RPH3AL: variants seen among roughly 807,000 people sequenced by gnomAD.
The protein encoded by RPH3AL is rab effector Noc2.
Under a neutral mutation model 43.1 loss-of-function variants are expected in RPH3AL, and 38 were observed. The ratio of observed to expected loss-of-function variants is 0.88; its 90% CI spans 0.68 to 1.15. RPH3AL has a LOEUF of 1.15. RPH3AL is among the 50% of genes most tolerant of loss of function. The pLI is 0.00. For synonymous variants in RPH3AL, 189 were observed against 176.3 expected (o/e 1.07, Z -0.57); for missense variants, 462 against 423.2 (o/e 1.09, Z -0.81).
At chr17:235,919 C>T (rs918990495) in intron 7 of RPH3AL, among the ~76,000 whole-genome samples, 10 of 146,144 alleles carry the variant, frequency 6.8e-5, no homozygotes, top group African/African-American at 2.2e-4. Context: ...AAGCTGGGGT[C>T]GGCCGAGGCT....
In RPH3AL at chr17:342,163, C is replaced by T. The variant is rs1403153129; in HGVS notation, c.-212-8229G>A. On this transcript the variant is annotated intron_variant, in intron 1 of 9. Coordinates refer to ENST00000331302, the MANE Select transcript of RPH3AL (RefSeq NM_006987.4). ...TACAAATCAAAACCACCATGAGATA[C>T]CACTTCACATCCACTAGGATGGCTA... Among the ~76,000 whole-genome samples the T allele has an allele frequency of 2.0e-5, 3 of 152,104 alleles. No homozygotes were observed. In the East Asian group the frequency reaches 5.8e-4, roughly 29 times the overall value.
rs148458737 is a variant in RPH3AL, at chr17:279,332, C to T, written c.438+2436G>A. Reference sequence around the variant, plus strand: ...CCCAGCCCCATCCATTCCTGCTAACCGTGCACCATATGCCTGGTGCTGCAG... The same window carrying T: ...CCCAGCCCCATCCATTCCTGCTAACTGTGCACCATATGCCTGGTGCTGCAG... On this transcript the variant is annotated intron_variant, in intron 6 of 9. Transcript: ENST00000331302. Among the ~76,000 whole-genome samples the T allele has an allele frequency of 6.8e-3, 1,033 of 152,258 alleles. 4 individuals carry two copies. Among genetic ancestry groups the T allele is most frequent in the Non-Finnish European group, 0.012 (803 of 68,028 alleles).
intron 5 of RPH3AL, among the ~76,000 whole-genome samples, chr17:288,877 G>A (rs1469600931): frequency 1.2e-5 from 1 of 82,882 alleles, no homozygotes; most frequent in African/African-American, 4.4e-5. Flanking sequence ...TCTCTCCACC[G>A]TCAGACCTCA....
At chr17:239,968 T>C (rs2041488478) in intron 7 of RPH3AL, among the ~76,000 whole-genome samples, 1 of 152,204 alleles carries the variant, frequency 6.6e-6, no homozygotes, top group Non-Finnish European at 1.5e-5. Flanking sequence ...CCAGGTGCAG[T>C]GGCTCACGCC....
chr17:351,890 A>G (rs967676170), intron 1 of RPH3AL, among the ~76,000 whole-genome samples: 4 of 152,230 alleles, frequency 2.6e-5, no homozygotes, highest in African/African-American at 9.6e-5. Flanking sequence ...CTGACGAGGT[A>G]AACCTATATA....
intron 6 of RPH3AL, among the ~76,000 whole-genome samples, chr17:248,666 CCAG>C (rs1230195763): frequency 6.6e-6 from 1 of 152,166 alleles, no homozygotes; most frequent in Non-Finnish European, 1.5e-5. Flanking sequence ...TCTAATATCC[CCAG>C]CTTGGACACC....
At chr17:292,761 G>A (rs901465212) in intron 5 of RPH3AL, among the ~76,000 whole-genome samples, 4 of 152,170 alleles carry the variant, frequency 2.6e-5, no homozygotes, top group African/African-American at 4.8e-5. Flanking sequence ...CAAGCTTCAA[G>A]TGGGAGGGGC....
intron 5 of RPH3AL, among the ~76,000 whole-genome samples, chr17:308,794 C>G (rs1262535360): frequency 2.0e-5 from 3 of 152,096 alleles, no homozygotes; most frequent in Non-Finnish European, 4.4e-5. Flanking sequence ...TAGCAGAGAC[C>G]CCATCAGCAC....
At position 309,595 on chromosome 17, in the gene RPH3AL, G is replaced by GCCCC. The variant is rs1228315501; in HGVS notation, c.351+9824_351+9825insGGGG. Reference sequence around the variant, plus strand: ...CCTGCCCTGCCCCAGGCTCCTGCCAGCCTCCTGCTGGGGGTCCAGGATATG... The same window carrying GCCCC: ...CCTGCCCTGCCCCAGGCTCCTGCCAGCCCCCCTCCTGCTGGGGGTCCAGGATATG... On this transcript the variant is annotated intron_variant, in intron 5 of 9. Transcript: ENST00000331302. Among the ~76,000 whole-genome samples, 21 of 28,084 alleles carry GCCCC rather than the reference G, an allele frequency of 7.5e-4. 5 individuals are homozygous for GCCCC. The highest frequency in any genetic ancestry group is 1.7e-3 in the Non-Finnish European group (17 of 10,166). 18.4% of individuals were successfully genotyped at this position (28,084 alleles called of 152,430 possible).
At chr17:292,339 C>T (rs940519561) in intron 5 of RPH3AL, among the ~76,000 whole-genome samples, 1 of 152,170 alleles carries the variant, frequency 6.6e-6, no homozygotes, top group South Asian at 2.1e-4. Flanking sequence ...GGCCCTGCTG[C>T]CAAATGACTT....
intron 7 of RPH3AL, among the ~76,000 whole-genome samples, chr17:236,618 A>G (rs1011954199): frequency 3.3e-5 from 5 of 152,186 alleles, no homozygotes; most frequent in Non-Finnish European, 7.3e-5. Context: ...GGGAGCACAG[A>G]GCTGGCACAA....
chr17:297,964 C>T lies in RPH3AL; in HGVS notation c.352-16110G>A, dbSNP rs375355680. ...CGAACATGCAAACTTCCCTCCCTGG[C>T]CCCCACCTCTCTCTAGTCCTGTCCC... On this transcript the variant is annotated intron_variant, in intron 5 of 9. Coordinates refer to ENST00000331302, the MANE Select transcript of RPH3AL (RefSeq NM_006987.4). Among the ~76,000 whole-genome samples the T allele has an allele frequency of 2.0e-4, 31 of 152,258 alleles. No individual in the cohort carries two copies. The East Asian group carries it at 2.5e-3, about 12-fold the overall frequency.
chr17:321,567 AGGTGGCAACAGAGAT>A, intron 3 of RPH3AL, 152 bp from the exon 4 acceptor site: 1 of 658,964 alleles, frequency 1.5e-6, no homozygotes, highest in Non-Finnish European at 2.2e-6. Context: ...GAGATGGCCC[AGGTGGCAACAGAGAT>A]GGCCCAGGTG....
intron 7 of RPH3AL, among the ~76,000 whole-genome samples, chr17:240,511 C>T (rs1303811534): frequency 6.6e-6 from 1 of 152,108 alleles, no homozygotes; most frequent in East Asian, 1.9e-4. Context: ...TGTGCACTGG[C>T]TTGTTCCCAC....
intron 6 of RPH3AL, among the ~76,000 whole-genome samples, chr17:266,227 T>TGTGC (rs1421006618): frequency 6.6e-6 from 1 of 151,986 alleles, no homozygotes; most frequent in African/African-American, 2.4e-5. Flanking sequence ...TGTGTGTGTG[T>TGTGC]GTGCGTGCAC....
intron 5 of RPH3AL, among the ~76,000 whole-genome samples, chr17:282,229 C>T (rs1368677872): frequency 2.0e-5 from 3 of 152,208 alleles, no homozygotes; most frequent in African/African-American, 2.4e-5. Flanking sequence ...CAGCCGACGG[C>T]GGTGCTGCCT....
At chr17:267,848 A>C in intron 6 of RPH3AL, among the ~76,000 whole-genome samples, 1 of 151,572 alleles carries the variant, frequency 6.6e-6, no homozygotes, top group African/African-American at 2.4e-5. Context: ...GATTTTAGCG[A>C]CCTCCTCTCA....
chr17:257,116 TG>T (rs2042067807), intron 6 of RPH3AL, among the ~76,000 whole-genome samples: 3 of 72,612 alleles, frequency 4.1e-5, no homozygotes, highest in African/African-American at 9.1e-5. Context: ...GTACTTCCTA[TG>T]AGGGGAGCCG....
intron 6 of RPH3AL, among the ~76,000 whole-genome samples, chr17:266,868 A>C (rs987504662): frequency 8.5e-5 from 13 of 152,326 alleles, no homozygotes; most frequent in Admixed American, 5.2e-4. Context: ...GGTAAGGAGC[A>C]TTTGCCAGTC....
Sources: allele counts gnomAD v4.1 joint callset (sites outside exome capture counted in the v4.1 genomes callset), GRCh38; gene constraint gnomAD v4.1.1; transcripts MANE v1.5; gene names NCBI Gene and HGNC (gene_info 2026-07-23, HGNC 2026-07-21).